The following DOCK10 variants were observed in gnomAD, a reference collection of about 807,000 sequenced individuals.
DOCK10 encodes the protein dedicator of cytokinesis 10, also known as dedicator of cytokinesis protein 10.
In DOCK10, 145 loss-of-function variants were observed where a neutral mutation model predicts 280.1. The ratio of observed to expected loss-of-function variants is 0.52; its 90% CI spans 0.45 to 0.59. The LOEUF is 0.59. DOCK10 is among the 20% of genes least tolerant of loss of function. DOCK10 has a pLI of 0.00. For missense variants in DOCK10, 2,368 were observed against 2,651.7 expected (o/e 0.89, Z 2.35); for synonymous variants, 915 against 942.2 (o/e 0.97, Z 0.53).
At chr2:225,000,627 A>T (rs557678441) in intron 1 of DOCK10, among the ~76,000 whole-genome samples, 1 of 152,342 alleles carries the variant, frequency 6.6e-6, no homozygotes, top group South Asian at 2.1e-4. Context: ...TCTACGAGCC[A>T]GCCATGCTTC....
intron 51 of DOCK10, among the ~76,000 whole-genome samples, chr2:224,777,264 C>T (rs1304130842): frequency 6.6e-6 from 1 of 152,022 alleles, no homozygotes; most frequent in Non-Finnish European, 1.5e-5. Flanking sequence ...TAAATGTCAA[C>T]CTGATTGGAT....
rs1553622577 is a variant in DOCK10, at chr2:224,957,292, C to CCG, written c.124-25625_124-25624insCG. Among the ~76,000 whole-genome samples, 117 of 148,566 alleles carry CCG rather than the reference C, an allele frequency of 7.9e-4. 6 individuals are homozygous for CCG. Among genetic ancestry groups the CCG allele is most frequent in the Non-Finnish European group, 1.5e-3 (100 of 66,828 alleles). On this transcript the variant is annotated intron_variant, in intron 1 of 55. Transcript: ENST00000258390. ...ATTTAGTTTTTACTTTCCGCCCCCCCCCGGCTTTGTTTTTCGGAGATGGGG... is the reference window on the plus strand; with the variant it reads ...ATTTAGTTTTTACTTTCCGCCCCCCCCGCCGGCTTTGTTTTTCGGAGATGGGG...
intron 1 of DOCK10, chr2:225,010,566 T>C (rs1689403918): frequency 6.5e-6 from 1 of 154,270 alleles, no homozygotes; most frequent in Non-Finnish European, 1.5e-5. Flanking sequence ...CAGTTTCTTT[T>C]AGAAGAGCAG....
In DOCK10 at chr2:224,960,283, C is replaced by T. The variant is rs145692329; in HGVS notation, c.124-28615G>A. Among the ~76,000 whole-genome samples the T allele has an allele frequency of 4.5e-3, 679 of 152,276 alleles. 3 individuals carry two copies. The highest frequency in any genetic ancestry group is 5.7e-3 in the Non-Finnish European group (387 of 68,020). On this transcript the variant is annotated intron_variant, in intron 1 of 55. Transcript: ENST00000258390. The stretch of plus-strand genomic sequence containing the variant: ...CTCCAGTCTGAGGGGATTCCCCTAC[C>T]TGCACTCTTTATTTTCCTTGACCTA...
chr2:225,005,298 T>C (rs940076233), intron 1 of DOCK10, among the ~76,000 whole-genome samples: 3 of 152,212 alleles, frequency 2.0e-5, no homozygotes, highest in African/African-American at 7.2e-5. Context: ...CCATGGGCCA[T>C]CAAACCACCT....
At chr2:225,025,842 A>G (rs1331197867) in intron 1 of DOCK10, among the ~76,000 whole-genome samples, 2 of 152,222 alleles carry the variant, frequency 1.3e-5, no homozygotes, top group Non-Finnish European at 2.9e-5. Flanking sequence ...AACCATACAT[A>G]TGCATATACA....
intron 29 of DOCK10, among the ~76,000 whole-genome samples, chr2:224,818,764 T>C (rs1184170381): frequency 4.6e-5 from 7 of 152,204 alleles, no homozygotes; most frequent in Non-Finnish European, 8.8e-5. Flanking sequence ...CCCAATTATC[T>C]TTCCAATCAA....
At chr2:224,919,840 T>A (rs2125964587) in intron 2 of DOCK10, among the ~76,000 whole-genome samples, 1 of 152,184 alleles carries the variant, frequency 6.6e-6, no homozygotes, top group Non-Finnish European at 1.5e-5. Context: ...GAGACATCAA[T>A]GATGAAAATG....
intron 1 of DOCK10, among the ~76,000 whole-genome samples, chr2:224,941,325 T>C (rs13425978): frequency 0.54 from 81,385 of 151,512 alleles, 23,380 homozygotes; most frequent in Non-Finnish European, 0.63. Flanking sequence ...CACTCCACTC[T>C]ACCAGCAAAG....
At chr2:224,864,839 T>C (rs1445687876) in intron 12 of DOCK10, 27 bp downstream of exon 12, 3 of 1,612,480 alleles carry the variant, frequency 1.9e-6, no homozygotes, top group Non-Finnish European at 1.7e-6. Context: ...GCATTTTCCA[T>C]CTCATCACAA....
At chr2:224,966,463 A>T (rs1432236827) in intron 1 of DOCK10, among the ~76,000 whole-genome samples, 1 of 152,026 alleles carries the variant, frequency 6.6e-6, no homozygotes, top group Non-Finnish European at 1.5e-5. Flanking sequence ...TATAAGACTG[A>T]CTTTCTTCTT....
intron 11 of DOCK10, among the ~76,000 whole-genome samples, chr2:224,867,075 TACACACACACACAC>T (rs61496329): frequency 2.1e-5 from 3 of 144,236 alleles, no homozygotes; most frequent in Non-Finnish European, 3.0e-5. Flanking sequence ...AGCTAAGAAA[TACACACACACACAC>T]ACACACACAC....
Position 224,770,073 on chromosome 2 carries a change from G to C in DOCK10, c.6444+138C>G, listed in dbSNP as rs1690326981. The stretch of plus-strand genomic sequence containing the variant: ...GGGGCACGAGGTGGTGTGCACGGGA[G>C]AGAGAACAGATCAGCAACATGGTGC... On this transcript the variant is annotated intron_variant, in intron 55 of 55. Coordinates refer to ENST00000258390, the MANE Select transcript of DOCK10 (RefSeq NM_014689.3). The surrounding 1 kb of genome is among the most constrained non-coding windows in gnomAD (Gnocchi z 4.5). 1 of 1,003,398 alleles carries C rather than the reference G, an allele frequency of 1.0e-6. No individual in the cohort carries two copies. The highest frequency in any genetic ancestry group is 1.4e-6 in the Non-Finnish European group (1 of 733,744). 62.2% of individuals were successfully genotyped at this position (1,003,398 alleles called of 1,614,324 possible).
In DOCK10 at chr2:224,953,834, G is replaced by T. The variant is rs185951297; in HGVS notation, c.124-22166C>A. On this transcript the variant is annotated intron_variant, in intron 1 of 55. Transcript: ENST00000258390. The stretch of plus-strand genomic sequence containing the variant: ...ATTTAGAAATTTCTTGGAAAATAAA[G>T]GGTGCTGTGCACATGAGTGAGAATG... Among the ~76,000 whole-genome samples, 21 of 152,246 alleles carry T rather than the reference G, an allele frequency of 1.4e-4. 1 individual carries two copies. The highest frequency in any genetic ancestry group is 1.4e-3 in the Admixed American group (21 of 15,296).
At chr2:224,852,853 G>T in intron 17 of DOCK10, 82 bp downstream of exon 17, 1 of 1,223,438 alleles carries the variant, frequency 8.2e-7, no homozygotes, top group Non-Finnish European at 1.1e-6. Flanking sequence ...ATAGTAATTT[G>T]TATTTGCACA....
intron 4 of DOCK10, among the ~76,000 whole-genome samples, chr2:224,887,067 T>C (rs1024631034): frequency 6.6e-6 from 1 of 152,208 alleles, no homozygotes; most frequent in Non-Finnish European, 1.5e-5. Context: ...TTTGGCCTTC[T>C]AATTACATAA....
chr2:224,837,872 C>A (rs779770613), intron 24 of DOCK10, 41 bp from the exon 25 acceptor site: 3 of 1,489,418 alleles, frequency 2.0e-6, no homozygotes, highest in Non-Finnish European at 2.8e-6. Flanking sequence ...CTGGAGAGGG[C>A]AGAAAAACCC....
In DOCK10 at chr2:224,845,599, A is replaced by C; in HGVS notation, c.2279T>G (p.Ile760Ser). The C allele has an allele frequency of 6.2e-7, 1 of 1,613,248 alleles. No homozygotes were observed. ...GGTGACGTGATAAAAAGAAAACAAA[A>C]TATGGTGTTTCTCATGGAGTTGTGT... ...LPTQLHEKHH[I>S]LFSFYHVTCD... Residue 760 changes from isoleucine (I) to serine (S), a missense_variant, in exon 20 of 56, where the codon ATT becomes AGT. Ile to Ser is a moderately radical substitution (Grantham distance 142). Around this residue, in one of 2 missense-constraint regions of DOCK10, gnomAD observed 1,209 missense variants for 1,250.9 expected, o/e 0.97. Coordinates refer to ENST00000258390, the MANE Select transcript of DOCK10 (RefSeq NM_014689.3).
At chr2:225,005,469 C>T (rs1706540110) in intron 1 of DOCK10, among the ~76,000 whole-genome samples, 1 of 152,092 alleles carries the variant, frequency 6.6e-6, no homozygotes, top group Non-Finnish European at 1.5e-5. Flanking sequence ...TGATTTTTGC[C>T]AAATCATAGT....
Sources: allele counts gnomAD v4.1 joint callset (sites outside exome capture counted in the v4.1 genomes callset), GRCh38; gene constraint gnomAD v4.1.1; regional missense constraint gnomAD v4.1.1; non-coding constraint Gnocchi (gnomAD v3.1); transcripts MANE v1.5; gene names NCBI Gene and HGNC (gene_info 2026-07-23, HGNC 2026-07-21).